Variants in SV2B observed in about 807,000 individuals in gnomAD.
SV2B encodes synaptic vesicle glycoprotein 2B, also known as solute carrier family 22 member B2.
SV2B carries 41 observed loss-of-function variants against 73.9 expected under a neutral mutation model. That is an observed-to-expected ratio of 0.56 (90% CI 0.43 to 0.72). The LOEUF is 0.72. Among genes scored for constraint, SV2B ranks in the 30% least tolerant of loss-of-function variants. The pLI is 0.00. For synonymous variants in SV2B, 314 were observed against 314.2 expected, an observed-to-expected ratio of 1.00 and a Z score of 0.01; for missense variants, 764 against 857.8, an observed-to-expected ratio of 0.89 and a Z score of 1.37.
In SV2B at chr15:91,205,390, C is replaced by G. The variant is rs117776961; in HGVS notation, c.-391-20483C>G. On this transcript the variant is annotated intron_variant, in intron 1 of 12. Coordinates refer to ENST00000394232, the MANE Select transcript of SV2B (RefSeq NM_001323032.3). ...CATTTCTTTTTTTTTTTTTTAAACA[C>G]AGGGTCTCACTCTGTTGCCCAGGCT... 9.4e-3 allele frequency among the ~76,000 whole-genome samples: 1,413 copies of G among 150,010 alleles called. 38 individuals carry two copies. The East Asian group carries it at 0.12, about 12-fold the overall frequency.
At position 91,241,623 on chromosome 15, in the gene SV2B, T is replaced by C. The variant is rs2047018478; in HGVS notation, c.452-10196T>C. On this transcript the variant is annotated intron_variant, in intron 2 of 12. Coordinates refer to ENST00000394232, the MANE Select transcript of SV2B (RefSeq NM_001323032.3). The surrounding 1 kb of genome is among the most constrained non-coding windows in gnomAD (Gnocchi z 4.8). Reference sequence around the variant, plus strand: ...ACAACAGAAGTAACCGGAGAAGAACTTCTATAGCCCCTGTTATCACACCTA... The same window carrying C: ...ACAACAGAAGTAACCGGAGAAGAACCTCTATAGCCCCTGTTATCACACCTA... Among the ~76,000 whole-genome samples the C allele has an allele frequency of 1.3e-5, 2 of 151,826 alleles. No homozygotes were observed. Among genetic ancestry groups the C allele is most frequent in the South Asian group, 4.2e-4 (2 of 4,804 alleles).
At position 91,232,554 on chromosome 15, in the gene SV2B, T is replaced by C. The variant is rs1460759836; in HGVS notation, c.451+5840T>C. Among the ~76,000 whole-genome samples the C allele has an allele frequency of 6.6e-6, 1 of 152,146 alleles. No individual in the cohort carries two copies. Among genetic ancestry groups the C allele is most frequent in the African/African-American group, 2.4e-5 (1 of 41,422 alleles). ...GATCACTCTGCCCCAGTGATTTTGG[T>C]ACTGAGAGTGCTTCTAGAGGAGCGG... On this transcript the variant is annotated intron_variant, in intron 2 of 12. Coordinates refer to ENST00000394232, the MANE Select transcript of SV2B (RefSeq NM_001323032.3). This position sits in a 1 kb window ranked among gnomAD's most constrained non-coding sequence, Gnocchi z 4.7.
At position 91,123,910 on chromosome 15, in the gene SV2B, A is replaced by G. The variant is rs192424918; in HGVS notation, c.-392+23547A>G. ...CTTGGTCTGTGTCCCAGGCATATCT[A>G]TAAATTACTCCCTTACCTAGAAATC... On this transcript the variant is annotated intron_variant, in intron 1 of 12. Coordinates refer to ENST00000394232, the MANE Select transcript of SV2B (RefSeq NM_001323032.3). The surrounding 1 kb of genome is among the most constrained non-coding windows in gnomAD (Gnocchi z 4.7). Among the ~76,000 whole-genome samples the G allele has an allele frequency of 6.6e-6, 1 of 152,304 alleles. No individual in the cohort carries two copies. The highest frequency in any genetic ancestry group is 6.5e-5 in the Admixed American group (1 of 15,306).
In SV2B at chr15:91,188,355, C is replaced by T. The variant is rs576710043; in HGVS notation, c.-391-37518C>T. On this transcript the variant is annotated intron_variant, in intron 1 of 12. Transcript: ENST00000394232. ...TTGAGACAGAGTCTTGCTCTGTTGCCCAGGCTGGAGTGCAGTGGCAAGATC... is the reference window on the plus strand; with the variant it reads ...TTGAGACAGAGTCTTGCTCTGTTGCTCAGGCTGGAGTGCAGTGGCAAGATC... Among the ~76,000 whole-genome samples the T allele has an allele frequency of 5.7e-3, 855 of 151,214 alleles. 5 individuals are homozygous for T. Among genetic ancestry groups the T allele is most frequent in the African/African-American group, 0.019 (793 of 41,156 alleles).
At position 91,232,823 on chromosome 15, in the gene SV2B, C is replaced by A. The variant is rs1056003197; in HGVS notation, c.451+6109C>A. ...TTTGGGATACAAATGATCCCATCAC[C>A]CAGATAGTGAGCAAAGAACCTAACT... On this transcript the variant is annotated intron_variant, in intron 2 of 12. Transcript: ENST00000394232. The surrounding 1 kb of genome is among the most constrained non-coding windows in gnomAD (Gnocchi z 4.7). Among the ~76,000 whole-genome samples the A allele has an allele frequency of 2.0e-5, 3 of 152,056 alleles. No homozygotes were observed. The South Asian group carries it at 6.2e-4, about 32-fold the overall frequency.
At chr15:91,206,042 GGTT>G (rs1325538173) in intron 1 of SV2B, among the ~76,000 whole-genome samples, 1 of 151,664 alleles carries the variant, frequency 6.6e-6, no homozygotes, top group Non-Finnish European at 1.5e-5. Flanking sequence ...GGTTGTGGGT[GGTT>G]GTTTGTTTTT....
intron 1 of SV2B, among the ~76,000 whole-genome samples, chr15:91,152,084 T>TTTTTG (rs1237071648): frequency 2.0e-5 from 3 of 151,386 alleles, no homozygotes; most frequent in Admixed American, 6.6e-5. Flanking sequence ...TTTTTTTTTT[T>TTTTTG]TTGCCAAAGA....
In SV2B at chr15:91,137,099, C is replaced by T. The variant is rs913534240; in HGVS notation, c.-392+36736C>T. On this transcript the variant is annotated intron_variant, in intron 1 of 12. Coordinates refer to ENST00000394232, the MANE Select transcript of SV2B (RefSeq NM_001323032.3). The surrounding 1 kb of genome is among the most constrained non-coding windows in gnomAD (Gnocchi z 4.9). ...GGGTGACTCGTAAGAAGCAGGCAGT[C>T]ACTGAGCCTCAGTTTCCTCAGCTGG... Among the ~76,000 whole-genome samples the T allele has an allele frequency of 7.9e-5, 12 of 152,164 alleles. No individual in the cohort carries two copies. Among genetic ancestry groups the T allele is most frequent in the African/African-American group, 2.4e-4 (10 of 41,432 alleles).
rs1181262627 is a variant in SV2B, at chr15:91,177,487, T to A, written c.-391-48386T>A. 2.6e-4 allele frequency among the ~76,000 whole-genome samples: 40 copies of A among 151,396 alleles called. 1 individual carries two copies. In the East Asian group the frequency reaches 6.6e-3, roughly 25 times the overall value. Reference sequence around the variant, plus strand: ...AATCTATAAATTACCTTGGGCAGTATGGCCATTTTCACGATATTGGTTCTT... The same window carrying A: ...AATCTATAAATTACCTTGGGCAGTAAGGCCATTTTCACGATATTGGTTCTT... On this transcript the variant is annotated intron_variant, in intron 1 of 12. Transcript: ENST00000394232.
At chr15:91,278,669 A>C (rs2048579533) in intron 9 of SV2B, among the ~76,000 whole-genome samples, 1 of 105,628 alleles carries the variant, frequency 9.5e-6, no homozygotes, top group Admixed American at 9.3e-5. Context: ...ACAGAGCGAG[A>C]CTCCGTCTCA....
chr15:91,208,166 G>C (rs1463628271), intron 1 of SV2B, among the ~76,000 whole-genome samples: 1 of 152,164 alleles, frequency 6.6e-6, no homozygotes, highest in Non-Finnish European at 1.5e-5. Flanking sequence ...GAAACAGCTG[G>C]AGCTTTCACG....
At chr15:91,161,212 C>T (rs1259922081) in intron 1 of SV2B, among the ~76,000 whole-genome samples, 1 of 152,068 alleles carries the variant, frequency 6.6e-6, no homozygotes, top group African/African-American at 2.4e-5. Context: ...TGTTCTAAAA[C>T]TGGTTTATAG....
At chr15:91,206,166 T>C (rs1045892537) in intron 1 of SV2B, among the ~76,000 whole-genome samples, 1 of 151,012 alleles carries the variant, frequency 6.6e-6, no homozygotes, top group Non-Finnish European at 1.5e-5. Context: ...CCCTTCTGAG[T>C]AGCTGGGACT....
chr15:91,243,873 A>G (rs1358721968), intron 2 of SV2B, among the ~76,000 whole-genome samples: 2 of 152,166 alleles, frequency 1.3e-5, no homozygotes, highest in Admixed American at 1.3e-4. Flanking sequence ...TTCAGAACCT[A>G]GAACTTCCAG....
chr15:91,210,333 G>A (rs540400629), intron 1 of SV2B, among the ~76,000 whole-genome samples: 26 of 151,862 alleles, frequency 1.7e-4, no homozygotes, highest in Non-Finnish European at 2.4e-4. Context: ...CCGGGGTCCC[G>A]AACCAAGCAG....
chr15:91,127,641 G>C (rs1036058771), intron 1 of SV2B, among the ~76,000 whole-genome samples: 24 of 152,124 alleles, frequency 1.6e-4, no homozygotes, highest in African/African-American at 5.6e-4. Flanking sequence ...GTCACAGAAG[G>C]GGCCCAGGGA....
At chr15:91,150,000 G>A (rs1382798479) in intron 1 of SV2B, among the ~76,000 whole-genome samples, 4 of 152,124 alleles carry the variant, frequency 2.6e-5, no homozygotes, top group African/African-American at 9.6e-5. Context: ...CTTTCTGTCT[G>A]TCTCTCTTTA....
intron 1 of SV2B, among the ~76,000 whole-genome samples, chr15:91,161,921 T>C (rs187171325): frequency 0.01 from 1,543 of 152,364 alleles, 10 homozygotes; most frequent in Non-Finnish European, 0.015. Context: ...CTTTTCATTA[T>C]GCAGAACCTC....
Position 91,281,716 on chromosome 15 carries a change from C to G in SV2B, c.1374-12C>G. 1 of 1,585,806 alleles carries G rather than the reference C, an allele frequency of 6.3e-7. No individual in the cohort carries two copies. Among genetic ancestry groups the G allele is most frequent in the African/African-American group, 1.4e-5 (1 of 73,860 alleles). On this transcript the variant is annotated splice_polypyrimidine_tract_variant and intron_variant, in intron 9 of 12. Coordinates refer to ENST00000394232, the MANE Select transcript of SV2B (RefSeq NM_001323032.3). This position sits in a 1 kb window ranked among gnomAD's most constrained non-coding sequence, Gnocchi z 4.7. ...TCAGATGAATCACTCAAGGGTCAAC[C>G]TCTTCCCACAGGTTCACAAGAATGT...
Sources: gnomAD v4.1 joint callset for allele counts (sites outside exome capture counted in the v4.1 genomes callset) on GRCh38, gnomAD v4.1.1 for gene constraint, Gnocchi (gnomAD v3.1) non-coding constraint, MANE v1.5 for transcripts, NCBI Gene and HGNC (gene_info 2026-07-23, HGNC 2026-07-21) for gene names.